DENND1A: variants seen among roughly 807,000 people sequenced by gnomAD.
DENND1A encodes DENN domain containing 1A.
In DENND1A, 51 loss-of-function variants were observed where a neutral mutation model predicts 113.7. The ratio of observed to expected loss-of-function variants is 0.45; its 90% CI spans 0.36 to 0.57. DENND1A has a LOEUF of 0.57. Among genes scored for constraint, DENND1A ranks in the 20% least tolerant of loss-of-function variants. The pLI is 0.00. For missense variants in DENND1A, 1,258 were observed against 1,395.9 expected, an observed-to-expected ratio of 0.90 and a Z score of 1.57; for synonymous variants, 565 against 570.8, an observed-to-expected ratio of 0.99 and a Z score of 0.14.
chr9:123,469,335 A>ACT (rs2049206126), intron 13 of DENND1A, among the ~76,000 whole-genome samples: 1 of 152,168 alleles, frequency 6.6e-6, no homozygotes, highest in South Asian at 2.1e-4. Context: ...GCCCAGAGCT[A>ACT]CTCTGATGAT....
intron 3 of DENND1A, among the ~76,000 whole-genome samples, chr9:123,777,311 G>A (rs917832432): frequency 3.3e-5 from 5 of 152,206 alleles, no homozygotes; most frequent in Non-Finnish European, 7.3e-5. Context: ...TGTTTTGACA[G>A]TGGATCCCCC....
chr9:123,561,032 CAAAATA>C (rs2057722823), intron 12 of DENND1A, among the ~76,000 whole-genome samples: 1 of 152,090 alleles, frequency 6.6e-6, no homozygotes, highest in South Asian at 2.1e-4. Context: ...CCCCTGCCCC[CAAAATA>C]AAAATAAAAA....
At chr9:123,682,355 T>C (rs1452324976) in intron 5 of DENND1A, among the ~76,000 whole-genome samples, 1 of 152,154 alleles carries the variant, frequency 6.6e-6, no homozygotes, top group Non-Finnish European at 1.5e-5. Flanking sequence ...TCGGGACTGA[T>C]GAGTTTAAAA....
At chr9:123,643,921 A>T (rs1046135240) in intron 9 of DENND1A, among the ~76,000 whole-genome samples, 2 of 152,160 alleles carry the variant, frequency 1.3e-5, no homozygotes, top group Non-Finnish European at 2.9e-5. Flanking sequence ...GAGGTTCTTT[A>T]TATTATTTTA....
intron 12 of DENND1A, among the ~76,000 whole-genome samples, chr9:123,580,026 C>T (rs185132681): frequency 6.6e-6 from 1 of 152,296 alleles, no homozygotes; most frequent in Non-Finnish European, 1.5e-5. Flanking sequence ...TAACTGTCCT[C>T]CAATCTTGCC....
intron 1 of DENND1A, among the ~76,000 whole-genome samples, chr9:123,911,991 G>A (rs1854076582): frequency 6.6e-6 from 1 of 152,044 alleles, no homozygotes; most frequent in Admixed American, 6.6e-5. Context: ...ACCGTGCCCT[G>A]CCGTGATTAT....
chr9:123,383,530 A>G, intron 23 of DENND1A, 125 bp downstream of exon 23: 2 of 1,428,290 alleles, frequency 1.4e-6, no homozygotes, highest in Admixed American at 2.1e-5. Flanking sequence ...GACCCTGAGC[A>G]TTGGCTGAGG....
At chr9:123,626,754 T>C (rs942504770) in intron 10 of DENND1A, among the ~76,000 whole-genome samples, 3 of 151,688 alleles carry the variant, frequency 2.0e-5, no homozygotes, top group African/African-American at 4.9e-5. Flanking sequence ...TAAGGAAAGG[T>C]TGAATCTGAG....
intron 5 of DENND1A, among the ~76,000 whole-genome samples, chr9:123,685,041 G>A (rs2064720651): frequency 2.0e-5 from 3 of 152,226 alleles, no homozygotes; most frequent in Non-Finnish European, 4.4e-5. Context: ...TTGAGTACCA[G>A]CTCTGTTACT....
At chr9:123,445,987 A>G (rs1348203252) in intron 18 of DENND1A, among the ~76,000 whole-genome samples, 1 of 152,222 alleles carries the variant, frequency 6.6e-6, no homozygotes, top group Non-Finnish European at 1.5e-5. Context: ...AAAAACCTGT[A>G]TTTCCCCTAG....
At chr9:123,890,372 CA>C (rs1476817901) in intron 1 of DENND1A, among the ~76,000 whole-genome samples, 1 of 152,162 alleles carries the variant, frequency 6.6e-6, no homozygotes, top group Admixed American at 6.5e-5. Flanking sequence ...ATATTTTTTA[CA>C]TAAAAATGTC....
chr9:123,722,653 C>G (rs1287267309), intron 5 of DENND1A, among the ~76,000 whole-genome samples: 7 of 152,220 alleles, frequency 4.6e-5, no homozygotes, highest in African/African-American at 1.7e-4. Flanking sequence ...CAGGCTGTTG[C>G]TTCATAGGGT....
chr9:123,714,233 A>G (rs2141000295), intron 5 of DENND1A, among the ~76,000 whole-genome samples: 1 of 152,318 alleles, frequency 6.6e-6, no homozygotes, highest in African/African-American at 2.4e-5. Flanking sequence ...TACCAGCCCC[A>G]GCAGTGGGGA....
chr9:123,904,435 A>C (rs1852368407), intron 1 of DENND1A, among the ~76,000 whole-genome samples: 1 of 150,428 alleles, frequency 6.6e-6, no homozygotes, highest in Non-Finnish European at 1.5e-5. Flanking sequence ...ACGGGAGGAC[A>C]TTCAAACCAA....
chr9:123,805,755 G>A (rs1835440290), intron 2 of DENND1A, among the ~76,000 whole-genome samples: 1 of 152,004 alleles, frequency 6.6e-6, no homozygotes, highest in Non-Finnish European at 1.5e-5. Context: ...TAATAATTTT[G>A]TGCATTAAAC....
chr9:123,923,167 T>C (rs940953243), intron 1 of DENND1A, among the ~76,000 whole-genome samples: 6 of 152,310 alleles, frequency 3.9e-5, no homozygotes, highest in Admixed American at 1.3e-4. Flanking sequence ...AAACATACTT[T>C]CCTAGAGCAA....
At chr9:123,928,459 A>T in intron 1 of DENND1A, 1 of 721,794 alleles carries the variant, frequency 1.4e-6, no homozygotes, top group Non-Finnish European at 1.7e-6. Flanking sequence ...CTTTAATCCC[A>T]ATGTTTCACA....
At chr9:123,525,895 C>G (rs966869424) in intron 13 of DENND1A, among the ~76,000 whole-genome samples, 1 of 151,528 alleles carries the variant, frequency 6.6e-6, no homozygotes, top group African/African-American at 2.4e-5. Flanking sequence ...GTCACTGGGA[C>G]TACAGGTGCA....
chr9:123,622,285 G>C (rs1049352031), intron 10 of DENND1A, among the ~76,000 whole-genome samples: 1 of 152,108 alleles, frequency 6.6e-6, no homozygotes, highest in Admixed American at 6.5e-5. Flanking sequence ...TAAGTGCCTA[G>C]AATAAACCAA....
Sources: gnomAD v4.1 joint callset for allele counts (sites outside exome capture counted in the v4.1 genomes callset) on GRCh38, gnomAD v4.1.1 for gene constraint, MANE v1.5 for transcripts, NCBI Gene and HGNC (gene_info 2026-07-23, HGNC 2026-07-21) for gene names.